The following AGFG1 variants were observed in gnomAD, a reference collection of about 807,000 sequenced individuals.
AGFG1 encodes arf-GAP domain and FG repeat-containing protein 1.
AGFG1 carries 10 observed loss-of-function variants against 60.6 expected under a neutral mutation model. The ratio of observed to expected loss-of-function variants is 0.16; its 90% CI spans 0.10 to 0.28. AGFG1 has a LOEUF of 0.28. AGFG1 is among the 10% of genes least tolerant of loss of function. The probability of loss-of-function intolerance (pLI) is 1.00; values close to 1 mark genes in which losing one functional copy is unlikely to be tolerated. For synonymous variants in AGFG1, 247 were observed against 242.9 expected (o/e 1.02, Z -0.16); for missense variants, 537 against 676.5 (o/e 0.79, Z 2.29).
chr2:227,505,312 T>C (rs1276750500), intron 2 of AGFG1, among the ~76,000 whole-genome samples: 2 of 152,218 alleles, frequency 1.3e-5, no homozygotes, highest in African/African-American at 4.8e-5. Flanking sequence ...TGTGTATGTA[T>C]TTATCCTACT....
intron 5 of AGFG1, among the ~76,000 whole-genome samples, chr2:227,529,700 A>G (rs1447865354): frequency 1.3e-5 from 2 of 152,098 alleles, no homozygotes; most frequent in African/African-American, 4.8e-5. Flanking sequence ...TGTGCACTGT[A>G]AACTGTAATT....
At chr2:227,477,850 T>G (rs755099689) in intron 1 of AGFG1, among the ~76,000 whole-genome samples, 4 of 152,070 alleles carry the variant, frequency 2.6e-5, no homozygotes, top group Non-Finnish European at 5.9e-5. Context: ...CCTCAGGTGA[T>G]CCACCTACCT....
At chr2:227,523,688 A>T in intron 3 of AGFG1, 75 bp from the exon 4 acceptor site, 1 of 1,374,996 alleles carries the variant, frequency 7.3e-7, no homozygotes, top group Non-Finnish European at 1.0e-6. Flanking sequence ...GTACAAAGTT[A>T]GAATTAAGCT....
intron 1 of AGFG1, among the ~76,000 whole-genome samples, chr2:227,478,089 T>G (rs1690338476): frequency 1.3e-5 from 2 of 152,080 alleles, no homozygotes. Context: ...CAACAGCGAT[T>G]CTTTTCAATT....
chr2:227,547,948 C>T (rs937433914), intron 10 of AGFG1, among the ~76,000 whole-genome samples: 1 of 152,170 alleles, frequency 6.6e-6, no homozygotes, highest in African/African-American at 2.4e-5. Flanking sequence ...ACCCAAGTGC[C>T]CGTCAACTGA....
At chr2:227,502,301 C>T (rs1427199239) in intron 2 of AGFG1, among the ~76,000 whole-genome samples, 1 of 151,912 alleles carries the variant, frequency 6.6e-6, no homozygotes, top group Admixed American at 6.6e-5. Context: ...ATATTTTCTC[C>T]CAGTCTGTGG....
In AGFG1 at chr2:227,523,863, C is replaced by T. The variant is rs921991135; in HGVS notation, c.478C>T (p.Leu160=). The change falls in exon 4 of 13, where the codon CTG becomes TTG. Residue 160 remains leucine (L), a synonymous_variant. Coordinates refer to ENST00000310078, the MANE Select transcript of AGFG1 (RefSeq NM_004504.5). ...AAGCAGCACACCTGAGGTCAAACCA[C>T]TGAAATCTCTTTTAGGGGATTCTGC... ...STSSTPEVKP[L]KSLLGDSAPT... is the part of the protein sequence containing the mutation. The T allele has an allele frequency of 1.9e-6, 3 of 1,613,950 alleles. No homozygotes were observed. Among genetic ancestry groups the T allele is most frequent in the Non-Finnish European group, 1.7e-6 (2 of 1,179,972 alleles).
In AGFG1 at chr2:227,549,011, C is replaced by CTT. The variant is rs5839222; in HGVS notation, c.1379-2938_1379-2937dup. On this transcript the variant is annotated intron_variant, in intron 10 of 12. Transcript: ENST00000310078. ...CACAGGCCCTTCTCCCTCAGTTAAC[C>CTT]TTTTTTTTTTTGTATTTGGAACACA... 1.6e-3 allele frequency among the ~76,000 whole-genome samples: 231 copies of CTT among 148,418 alleles called. 3 individuals carry two copies. Among genetic ancestry groups the CTT allele is most frequent in the South Asian group, 4.6e-3 (22 of 4,732 alleles).
chr2:227,509,997 C>G (rs1559179634), intron 2 of AGFG1, among the ~76,000 whole-genome samples: 2 of 152,130 alleles, frequency 1.3e-5, no homozygotes, highest in Admixed American at 1.3e-4. Context: ...AGGCACCATA[C>G]CATACAGGGT....
chr2:227,484,288 A>G (rs1399008158), intron 1 of AGFG1, among the ~76,000 whole-genome samples: 1 of 151,940 alleles, frequency 6.6e-6, no homozygotes, highest in African/African-American at 2.4e-5. Context: ...TCCCAGGTTC[A>G]AGTGATTCTG....
intron 1 of AGFG1, among the ~76,000 whole-genome samples, chr2:227,486,935 A>G (rs963309487): frequency 6.6e-6 from 1 of 152,222 alleles, no homozygotes; most frequent in Non-Finnish European, 1.5e-5. Flanking sequence ...AACATCGTAC[A>G]ATGCATAGGA....
At chr2:227,484,991 T>C (rs1056055849) in intron 1 of AGFG1, among the ~76,000 whole-genome samples, 2 of 152,098 alleles carry the variant, frequency 1.3e-5, no homozygotes, top group African/African-American at 4.8e-5. Flanking sequence ...ATTACACACA[T>C]AAGCCACCGT....
intron 2 of AGFG1, chr2:227,508,471 T>G (rs1691393009): frequency 3.0e-6 from 1 of 329,778 alleles, no homozygotes; most frequent in South Asian, 2.6e-5. Context: ...CTCAACTCCT[T>G]GTTTGTTCCA....
intron 6 of AGFG1, among the ~76,000 whole-genome samples, chr2:227,532,602 A>G (rs1423346969): frequency 1.3e-5 from 2 of 152,130 alleles, no homozygotes; most frequent in Non-Finnish European, 1.5e-5. Context: ...TGCTTGATAG[A>G]AAGTGTTCGT....
At chr2:227,524,961 C>T in intron 5 of AGFG1, 46 bp downstream of exon 5, 3 of 1,595,116 alleles carry the variant, frequency 1.9e-6, no homozygotes, top group Non-Finnish European at 2.6e-6. Flanking sequence ...GCATATAAAA[C>T]ACCAAGAAAC....
At chr2:227,532,226 A>G (rs920440768) in intron 6 of AGFG1, 238 of 1,533,256 alleles carry the variant, frequency 1.6e-4, no homozygotes, top group Non-Finnish European at 2.0e-4. Flanking sequence ...TCTGTTGTCA[A>G]GTAGGCATCT....
At chr2:227,519,328 T>G (rs940746731) in intron 2 of AGFG1, among the ~76,000 whole-genome samples, 1 of 152,202 alleles carries the variant, frequency 6.6e-6, no homozygotes, top group Admixed American at 6.5e-5. Context: ...TGAAGAATAG[T>G]TTTTTATTTT....
Position 227,555,514 on chromosome 2 carries a change from G to A in AGFG1, c.*1019G>A, listed in dbSNP as rs540136770. The A allele has an allele frequency of 6.6e-6, 1 of 152,512 alleles. No individual in the cohort carries two copies. The highest frequency in any genetic ancestry group is 2.1e-4 in the South Asian group (1 of 4,812). The allele number at this position is 152,512 out of a possible 1,614,324, so 9.4% of individuals were successfully genotyped here. ...CTTTGAATGTATTGGAAGTAGACATGCATTAACTGTGACATTATTGCACCT... is the reference window on the plus strand; with the variant it reads ...CTTTGAATGTATTGGAAGTAGACATACATTAACTGTGACATTATTGCACCT... On this transcript the variant is annotated 3_prime_UTR_variant, in exon 13 of 13. Coordinates refer to ENST00000310078, the MANE Select transcript of AGFG1 (RefSeq NM_004504.5).
chr2:227,507,507 G>A (rs1377619641), intron 2 of AGFG1, among the ~76,000 whole-genome samples: 1 of 148,386 alleles, frequency 6.7e-6, no homozygotes, highest in Non-Finnish European at 1.5e-5. Flanking sequence ...GGAGGCTGAG[G>A]CAGGAGAATG....
Sources: allele counts gnomAD v4.1 joint callset (sites outside exome capture counted in the v4.1 genomes callset), GRCh38; gene constraint gnomAD v4.1.1; transcripts MANE v1.5; gene names NCBI Gene and HGNC (gene_info 2026-07-23, HGNC 2026-07-21).